The following CNTN6 variants were observed in gnomAD, a reference collection of about 807,000 sequenced individuals.
CNTN6 encodes contactin 6, also known as contactin-6.
CNTN6 carries 137 observed loss-of-function variants against 122.8 expected under a neutral mutation model. The ratio of observed to expected loss-of-function variants is 1.12; its 90% CI spans 0.97 to 1.29. The LOEUF (loss-of-function observed/expected upper bound fraction) is 1.29, where lower values mean the gene tolerates loss of function less well. Among genes scored for constraint, CNTN6 ranks in the 50% most tolerant of loss-of-function variants. The probability of loss-of-function intolerance (pLI) is 0.00; values close to 1 mark genes in which losing one functional copy is unlikely to be tolerated. For missense variants in CNTN6, 1,634 were observed against 1,223.4 expected, an observed-to-expected ratio of 1.34 and a Z score of -5.01; for synonymous variants, 570 against 426.0, an observed-to-expected ratio of 1.34 and a Z score of -4.16.
chr3:1,328,728 C>A (rs1701870307), intron 10 of CNTN6, among the ~76,000 whole-genome samples: 1 of 151,648 alleles, frequency 6.6e-6, no homozygotes, highest in Admixed American at 6.6e-5. Flanking sequence ...AGAGAAGCAA[C>A]ATCTGAAAAG....
intron 7 of CNTN6, among the ~76,000 whole-genome samples, chr3:1,317,775 C>G (rs903952188): frequency 2.3e-4 from 35 of 151,606 alleles, no homozygotes; most frequent in Non-Finnish European, 7.4e-5. Flanking sequence ...CCCTACAAGC[C>G]TCTTATGGCA....
chr3:1,147,043 G>T (rs2092737651), intron 1 of CNTN6, among the ~76,000 whole-genome samples: 1 of 151,790 alleles, frequency 6.6e-6, no homozygotes, highest in South Asian at 2.1e-4. Context: ...ATGACAGAAA[G>T]AAATGATTTT....
At position 1,158,807 on chromosome 3, in the gene CNTN6, CAT is replaced by C. The variant is rs1491200992; in HGVS notation, c.55+10752_55+10753del. ...GTATATATGTGTATATATATACACA[CAT>C]ATATATACACACACATATATATACA... On this transcript the variant is annotated intron_variant, in intron 2 of 22. Coordinates refer to ENST00000446702, the MANE Select transcript of CNTN6 (RefSeq NM_001289080.2). Among the ~76,000 whole-genome samples, 29 of 37,644 alleles carry C rather than the reference CAT, an allele frequency of 7.7e-4. No individual in the cohort carries two copies. The South Asian group carries it at 0.018, about 23-fold the overall frequency. The allele number at this position is 37,644 out of a possible 152,430, so 24.7% of individuals were successfully genotyped here.
At chr3:1,326,579 A>G (rs765818539) in intron 9 of CNTN6, among the ~76,000 whole-genome samples, 1 of 151,874 alleles carries the variant, frequency 6.6e-6, no homozygotes, top group Non-Finnish European at 1.5e-5. Flanking sequence ...ACATTTCTCC[A>G]TTTAAAGCAT....
intron 1 of CNTN6, among the ~76,000 whole-genome samples, chr3:1,102,496 C>T (rs1033821421): frequency 3.9e-5 from 6 of 151,952 alleles, no homozygotes; most frequent in East Asian, 3.9e-4. Flanking sequence ...TTTGGGAGGC[C>T]GAGGTGGGCG....
At chr3:1,301,733 G>A (rs1043524109) in intron 7 of CNTN6, among the ~76,000 whole-genome samples, 2 of 139,716 alleles carry the variant, frequency 1.4e-5, no homozygotes, top group South Asian at 2.1e-4. Flanking sequence ...CGGTCAAAGC[G>A]GTAGCGTTAA....
chr3:1,336,518 G>T (rs890750050), intron 11 of CNTN6, among the ~76,000 whole-genome samples: 2 of 152,098 alleles, frequency 1.3e-5, no homozygotes, highest in Non-Finnish European at 2.9e-5. Flanking sequence ...GAAATGAGCG[G>T]ACAGCTGGAC....
chr3:1,311,179 G>A (rs1047059678), intron 7 of CNTN6, among the ~76,000 whole-genome samples: 6 of 148,648 alleles, frequency 4.0e-5, no homozygotes, highest in Non-Finnish European at 7.4e-5. Context: ...TATATAAAAT[G>A]TCTTTATATA....
chr3:1,362,315 CA>C (rs1017689750), intron 12 of CNTN6, among the ~76,000 whole-genome samples: 1 of 151,788 alleles, frequency 6.6e-6, no homozygotes, highest in African/African-American at 2.4e-5. Context: ...ACCAAATGAC[CA>C]AAACTCAGAG....
At chr3:1,201,271 C>T (rs2125428347) in intron 2 of CNTN6, among the ~76,000 whole-genome samples, 1 of 152,224 alleles carries the variant, frequency 6.6e-6, no homozygotes, top group South Asian at 2.1e-4. Context: ...CCATGCTCAG[C>T]CCCTATTCTC....
At chr3:1,389,232 A>G (rs1215648431) in intron 20 of CNTN6, among the ~76,000 whole-genome samples, 4 of 152,054 alleles carry the variant, frequency 2.6e-5, no homozygotes, top group African/African-American at 9.7e-5. Flanking sequence ...AATCTCTACA[A>G]GCCAGAAGAG....
chr3:1,194,770 C>T (rs1258581105), intron 2 of CNTN6, among the ~76,000 whole-genome samples: 1 of 152,088 alleles, frequency 6.6e-6, no homozygotes, highest in African/African-American at 2.4e-5. Flanking sequence ...CAATTTTCAC[C>T]TCCTTGGGGG....
chr3:1,402,259 T>C (rs74588252), intron 21 of CNTN6, 59 bp from the exon 22 acceptor site: 20,050 of 1,384,188 alleles, frequency 0.014, 189 homozygotes, highest in Non-Finnish European at 0.017. Flanking sequence ...TCCAGAACAG[T>C]TGTGTGAACC....
At position 1,394,073 on chromosome 3, in the gene CNTN6, A is replaced by C. The variant is rs147518584; in HGVS notation, c.2705-7360A>C. ...AGGTCACACAGCAATGAAGGGGGAC[A>C]GATGGAGGAGAGGGGGCCTAGATGT... On this transcript the variant is annotated intron_variant, in intron 20 of 22. Coordinates refer to ENST00000446702, the MANE Select transcript of CNTN6 (RefSeq NM_001289080.2). 156 of 161,194 alleles carry C rather than the reference A, an allele frequency of 9.7e-4. 2 individuals are homozygous for C. The East Asian group carries it at 0.025, about 26-fold the overall frequency. 10.0% of individuals were successfully genotyped at this position (161,194 alleles called of 1,614,324 possible). A position where few individuals can be genotyped will look rare whatever the true frequency, so the allele number is the denominator to read the frequency against.
At chr3:1,243,455 G>A (rs1047054940) in intron 4 of CNTN6, among the ~76,000 whole-genome samples, 1 of 152,124 alleles carries the variant, frequency 6.6e-6, no homozygotes, top group African/African-American at 2.4e-5. Flanking sequence ...TGGGGTTTGA[G>A]GGCCGGAATT....
chr3:1,265,044 C>CTT (rs201949693), intron 4 of CNTN6, among the ~76,000 whole-genome samples: 31 of 100,738 alleles, frequency 3.1e-4, no homozygotes, highest in Admixed American at 4.7e-4. Context: ...ACCGAATTTC[C>CTT]TTTTTTTTTT....
intron 2 of CNTN6, among the ~76,000 whole-genome samples, chr3:1,206,904 A>G (rs564725529): frequency 8.5e-5 from 13 of 152,240 alleles, no homozygotes; most frequent in Non-Finnish European, 1.9e-4. Context: ...AACATTGGCT[A>G]TTGTTCCTCA....
intron 4 of CNTN6, among the ~76,000 whole-genome samples, chr3:1,272,762 A>C (rs966819253): frequency 2.0e-5 from 3 of 152,292 alleles, no homozygotes; most frequent in East Asian, 3.9e-4. Context: ...TGTCAAGTGC[A>C]TCGTCTGATT....
intron 2 of CNTN6, among the ~76,000 whole-genome samples, chr3:1,176,540 T>C (rs1459387356): frequency 6.6e-6 from 1 of 152,034 alleles, no homozygotes; most frequent in Non-Finnish European, 1.5e-5. Context: ...CGAGGCAAAC[T>C]AGGGAGTATG....
Sources: allele counts gnomAD v4.1 joint callset (sites outside exome capture counted in the v4.1 genomes callset), GRCh38; gene constraint gnomAD v4.1.1; transcripts MANE v1.5; gene names NCBI Gene and HGNC (gene_info 2026-07-23, HGNC 2026-07-21).